Variants in CTDSPL2 observed in about 807,000 individuals in gnomAD.
CTDSPL2 encodes CTD small phosphatase like 2.
In CTDSPL2, 5 loss-of-function variants were observed where a neutral mutation model predicts 60.0. The observed-to-expected ratio is 0.08, with a 90% CI of 0.04 to 0.18. The LOEUF is 0.18. Ranked by LOEUF, CTDSPL2 falls within the 10% of genes least tolerant of loss-of-function variation. The pLI, the probability that CTDSPL2 is intolerant of heterozygous loss-of-function variation, is 1.00. For synonymous variants in CTDSPL2, 186 were observed against 189.3 expected, an observed-to-expected ratio of 0.98 and a Z score of 0.14; for missense variants, 370 against 548.8, an observed-to-expected ratio of 0.67 and a Z score of 3.26.
intron 2 of CTDSPL2, among the ~76,000 whole-genome samples, chr15:44,472,271 T>G (rs2080825910): frequency 6.6e-6 from 1 of 152,198 alleles, no homozygotes; most frequent in Non-Finnish European, 1.5e-5. Flanking sequence ...CCAGACTGTT[T>G]TCCAAAGTGG....
Position 44,474,488 on chromosome 15 carries a change from G to A in CTDSPL2, c.187-9736G>A, listed in dbSNP as rs77952031. Among the ~76,000 whole-genome samples, 37 of 151,812 alleles carry A rather than the reference G, an allele frequency of 2.4e-4. 1 individual carries two copies. In the East Asian group the frequency reaches 6.9e-3, roughly 28 times the overall value. On this transcript the variant is annotated intron_variant, in intron 2 of 12. Coordinates refer to ENST00000260327, the MANE Select transcript of CTDSPL2 (RefSeq NM_016396.3). ...TTGGGTAACAAAGTGAGACTCTGTC[G>A]TCTTTGTTTTAAAAAAGAAGAAAGA...
At chr15:44,488,672 G>A (rs1052019232) in intron 4 of CTDSPL2, among the ~76,000 whole-genome samples, 9 of 151,968 alleles carry the variant, frequency 5.9e-5, no homozygotes, top group Admixed American at 6.6e-5. Flanking sequence ...AAATTTAGCT[G>A]GGCATGGTGG....
intron 1 of CTDSPL2, chr15:44,448,840 T>C: frequency 2.7e-6 from 1 of 376,050 alleles, no homozygotes; most frequent in Admixed American, 4.0e-5. Context: ...GGCGGTCTCA[T>C]CCGTCTTTAC....
At chr15:44,439,925 GT>G (rs1187755881) in intron 1 of CTDSPL2, among the ~76,000 whole-genome samples, 4 of 152,114 alleles carry the variant, frequency 2.6e-5, no homozygotes, top group African/African-American at 7.2e-5. Flanking sequence ...GTTGGGAAGT[GT>G]TCCCTTCTAT....
intron 1 of CTDSPL2, among the ~76,000 whole-genome samples, chr15:44,455,259 C>T (rs372557242): frequency 2.6e-5 from 4 of 152,292 alleles, no homozygotes; most frequent in East Asian, 1.9e-4. Context: ...GTGATTTTTG[C>T]ACATTGATTT....
intron 8 of CTDSPL2, among the ~76,000 whole-genome samples, chr15:44,508,694 G>T (rs562706383): frequency 2.4e-4 from 37 of 152,204 alleles, no homozygotes; most frequent in African/African-American, 8.7e-4. Flanking sequence ...AGGCTGAGGC[G>T]GGTGGATCAC....
chr15:44,457,435 A>G (rs998025795), intron 1 of CTDSPL2, among the ~76,000 whole-genome samples: 3 of 152,134 alleles, frequency 2.0e-5, no homozygotes, highest in African/African-American at 7.2e-5. Flanking sequence ...GCTAGCTTCA[A>G]ACTTTTCTTA....
chr15:44,512,016 G>A (rs1217560385), intron 8 of CTDSPL2, among the ~76,000 whole-genome samples: 1 of 151,788 alleles, frequency 6.6e-6, no homozygotes, highest in African/African-American at 2.4e-5. Flanking sequence ...GTGAGATAGT[G>A]AGAGCCCATC....
At chr15:44,471,274 A>G (rs552341200) in intron 2 of CTDSPL2, among the ~76,000 whole-genome samples, 1 of 152,210 alleles carries the variant, frequency 6.6e-6, no homozygotes, top group South Asian at 2.1e-4. Flanking sequence ...TATTATAAAT[A>G]AAGTTGTTAG....
chr15:44,491,031 A>C, intron 5 of CTDSPL2, 32 bp downstream of exon 5: 1 of 1,476,630 alleles, frequency 6.8e-7, no homozygotes, highest in African/African-American at 1.4e-5. Flanking sequence ...ATACATCTTC[A>C]TGAGTAGTTG....
At chr15:44,446,474 A>G (rs1484314748) in intron 1 of CTDSPL2, among the ~76,000 whole-genome samples, 1 of 152,016 alleles carries the variant, frequency 6.6e-6, no homozygotes, top group Non-Finnish European at 1.5e-5. Flanking sequence ...CTAAAAATAG[A>G]AAACAAGTAG....
chr15:44,509,657 A>G (rs926162986), intron 8 of CTDSPL2, among the ~76,000 whole-genome samples: 5 of 152,130 alleles, frequency 3.3e-5, no homozygotes, highest in Non-Finnish European at 7.4e-5. Context: ...TTTTGAAATT[A>G]TATATATGGC....
intron 4 of CTDSPL2, among the ~76,000 whole-genome samples, chr15:44,487,010 C>T (rs758448204): frequency 3.9e-4 from 59 of 152,156 alleles, no homozygotes; most frequent in Middle Eastern, 3.4e-3. Context: ...TCAAGTGATC[C>T]GCCCACCTCG....
At chr15:44,468,711 G>A (rs1289367670) in intron 2 of CTDSPL2, among the ~76,000 whole-genome samples, 1 of 152,130 alleles carries the variant, frequency 6.6e-6, no homozygotes, top group East Asian at 1.9e-4. Context: ...CATGGCTTTG[G>A]ACACGGGTAC....
intron 3 of CTDSPL2, among the ~76,000 whole-genome samples, chr15:44,484,734 T>C (rs944237338): frequency 2.8e-4 from 43 of 152,330 alleles, no homozygotes; most frequent in African/African-American, 1.0e-3. Context: ...AGTGAGACTC[T>C]GTCTCAAAAA....
intron 1 of CTDSPL2, among the ~76,000 whole-genome samples, chr15:44,437,906 A>C (rs1362161722): frequency 6.6e-6 from 1 of 152,236 alleles, no homozygotes; most frequent in East Asian, 1.9e-4. Flanking sequence ...AGAATGAGGT[A>C]AAAAGAGCAG....
At chr15:44,462,668 G>C (rs1478710604) in intron 2 of CTDSPL2, among the ~76,000 whole-genome samples, 1 of 150,762 alleles carries the variant, frequency 6.6e-6, no homozygotes, top group African/African-American at 2.5e-5. Flanking sequence ...ATGGCCCAGA[G>C]GCTGGGGACT....
intron 5 of CTDSPL2, among the ~76,000 whole-genome samples, chr15:44,494,172 G>C (rs1389338543): frequency 6.6e-6 from 1 of 152,100 alleles, no homozygotes; most frequent in African/African-American, 2.4e-5. Flanking sequence ...TATAATTATT[G>C]TCTTGGAAAA....
At chr15:44,466,441 T>G (rs181950736) in intron 2 of CTDSPL2, among the ~76,000 whole-genome samples, 3 of 152,356 alleles carry the variant, frequency 2.0e-5, no homozygotes, top group Admixed American at 2.0e-4. Context: ...TTCATTCATA[T>G]TCATTCATTC....
Sources: allele counts gnomAD v4.1 joint callset (sites outside exome capture counted in the v4.1 genomes callset), GRCh38; gene constraint gnomAD v4.1.1; transcripts MANE v1.5; gene names NCBI Gene and HGNC (gene_info 2026-07-23, HGNC 2026-07-21).